USP9X: variants seen among roughly 807,000 people sequenced by gnomAD.
USP9X encodes ubiquitin specific peptidase 9 X-linked.
A neutral mutation model predicts 190.3 loss-of-function variants in USP9X; 7 were observed. The ratio of observed to expected loss-of-function variants is 0.04; its 90% CI spans 0.02 to 0.07. The LOEUF (loss-of-function observed/expected upper bound fraction) is 0.07, where lower values mean the gene tolerates loss of function less well. USP9X is among the 10% of genes least tolerant of loss of function. The pLI is 1.00. For missense variants in USP9X, 1,010 were observed against 1,916.9 expected (o/e 0.53, Z 8.83); for synonymous variants, 645 against 659.5 (o/e 0.98, Z 0.34).
Position 41,129,005 on chromosome X carries a change from A to G in USP9X, c.102A>G (p.Ser34=), listed in dbSNP as rs1365833459. Reference sequence around the variant, plus strand: ...ATGTTTAATTTTTAATTAAGACTTCATCGCCTGATTCTTCCAATGAAAATT... The same window carrying G: ...ATGTTTAATTTTTAATTAAGACTTCGTCGCCTGATTCTTCCAATGAAAATT... ...SQPPLQQNQT[S]SPDSSNENSP... Residue 34 remains serine, a synonymous_variant, in exon 3 of 45, where the codon TCA becomes TCG. Transcript: ENST00000378308. 1 of 1,210,319 alleles carries G rather than the reference A, an allele frequency of 8.3e-7. No homozygotes were observed. The highest frequency in any genetic ancestry group is 3.0e-5 in the East Asian group (1 of 33,801).
At chrX:41,125,684 A>ACACACACACACACACACACTCTCT in intron 2 of USP9X, among the ~76,000 whole-genome samples, 29 of 19,021 alleles carry the variant, frequency 1.5e-3, no homozygotes, top group Non-Finnish European at 2.3e-3. Flanking sequence ...ACACACACAC[A>ACACACACACACACACACACTCTCT]CTCTCTCTCT....
chrX:41,086,617 G>C (rs2061914141), intron 1 of USP9X, among the ~76,000 whole-genome samples: 1 of 112,114 alleles, frequency 8.9e-6, no homozygotes, highest in African/African-American at 3.2e-5. Flanking sequence ...CAGGCCTGAC[G>C]ACTTGTCCGC....
At chrX:41,232,322 C>T (rs2063368053) in intron 44 of USP9X, 65 bp from the exon 45 acceptor site, 1 of 1,120,283 alleles carries the variant, frequency 8.9e-7, no homozygotes, top group African/African-American at 1.8e-5. Context: ...GACTTCAGAC[C>T]ATGATTTTGA....
intron 2 of USP9X, 42 bp downstream of exon 2, chrX:41,123,766 G>A: frequency 1.7e-5 from 19 of 1,138,189 alleles, no homozygotes; most frequent in Non-Finnish European, 2.0e-5. Flanking sequence ...AGTGGGGCTG[G>A]ACTCAGTGGT....
intron 4 of USP9X, 24 bp downstream of exon 4, chrX:41,131,560 C>T: frequency 8.7e-7 from 1 of 1,146,246 alleles, no homozygotes. Flanking sequence ...TTTTATGCTT[C>T]CTATAATGTA....
intron 21 of USP9X, among the ~76,000 whole-genome samples, chrX:41,177,811 G>T (rs1423205495): frequency 9.1e-6 from 1 of 110,494 alleles, no homozygotes; most frequent in Non-Finnish European, 1.9e-5. Flanking sequence ...TCACTCTTAT[G>T]GGTTTATTTT....
intron 41 of USP9X, among the ~76,000 whole-genome samples, chrX:41,227,733 C>G (rs1412923960): frequency 9.1e-6 from 1 of 109,939 alleles, no homozygotes. Context: ...GGGAGTCTCA[C>G]TCTGTCACCC....
At chrX:41,125,684 A>ACACACACC in intron 2 of USP9X, among the ~76,000 whole-genome samples, 1 of 19,027 alleles carries the variant, frequency 5.3e-5, no homozygotes, top group Non-Finnish European at 9.0e-5. Flanking sequence ...ACACACACAC[A>ACACACACC]CTCTCTCTCT....
chrX:41,123,686 C>T lies in USP9X; in HGVS notation c.58C>T (p.Pro20Ser). The change falls in exon 2 of 45, where the codon CCT (proline) becomes TCT (serine). Residue 20 changes from proline (P) to serine (S), a missense_variant. This residue lies in a region of USP9X where 176 missense variants were observed against 247.5 expected (regional missense o/e 0.71). Transcript: ENST00000378308. ...AGGGAATGACAACCAGGGCCAGGCT[C>T]CTGATGGACAGTCTCAGCCCCCCCT... Reference protein sequence around the residue: ...VGGNDNQGQAPDGQSQPPLQQ... With the variant: ...VGGNDNQGQASDGQSQPPLQQ... The T allele has an allele frequency of 8.3e-7, 1 of 1,211,902 alleles. No homozygotes were observed. Among genetic ancestry groups the T allele is most frequent in the Non-Finnish European group, 1.1e-6 (1 of 895,491 alleles).
At chrX:41,168,379 A>G (rs2062695721) in intron 18 of USP9X, 161 bp downstream of exon 18, 1 of 402,716 alleles carries the variant, frequency 2.5e-6, no homozygotes, top group Admixed American at 5.7e-5. Context: ...AACCTCCCCC[A>G]CTCTCCCATC....
At chrX:41,119,090 T>C (rs1266939880) in intron 1 of USP9X, among the ~76,000 whole-genome samples, 2 of 112,220 alleles carry the variant, frequency 1.8e-5, no homozygotes, top group Admixed American at 1.9e-4. Flanking sequence ...AAAAGCTTTG[T>C]ATGTAATTTT....
chrX:41,154,340 A>G (rs2147083946), intron 14 of USP9X, among the ~76,000 whole-genome samples: 1 of 111,972 alleles, frequency 8.9e-6, no homozygotes, highest in South Asian at 3.7e-4. Context: ...TATGTGTAGT[A>G]TACCCAAGCA....
intron 41 of USP9X, 119 bp from the exon 42 acceptor site, chrX:41,229,134 A>G: frequency 4.1e-6 from 2 of 489,431 alleles, no homozygotes; most frequent in Non-Finnish European, 6.4e-6. Flanking sequence ...AATAGTACCT[A>G]TTGTCTAATG....
intron 1 of USP9X, among the ~76,000 whole-genome samples, chrX:41,094,135 G>C (rs1338614545): frequency 9.0e-6 from 1 of 110,759 alleles, no homozygotes; most frequent in Non-Finnish European, 1.9e-5. Context: ...GCCAGACTGA[G>C]TGTTGGAGGA....
intron 21 of USP9X, among the ~76,000 whole-genome samples, chrX:41,182,150 T>A (rs2062832511): frequency 8.9e-6 from 1 of 111,753 alleles, no homozygotes; most frequent in South Asian, 3.7e-4. Flanking sequence ...GTGGGAGGAT[T>A]GCTTGAGCCC....
intron 14 of USP9X, among the ~76,000 whole-genome samples, chrX:41,159,654 C>T (rs2062611100): frequency 9.0e-6 from 1 of 111,265 alleles, no homozygotes; most frequent in Non-Finnish European, 1.9e-5. Context: ...CTCAACCTCC[C>T]GAGTACCTGG....
rs931667508 is a variant in USP9X, at chrX:41,091,138, C to T, written c.-159+5029C>T. Among the ~76,000 whole-genome samples the T allele has an allele frequency of 1.2e-4, 13 of 110,391 alleles. 1 individual carries two copies. Among genetic ancestry groups the T allele is most frequent in the Middle Eastern group, 8.6e-3 (2 of 232 alleles). On this transcript the variant is annotated intron_variant, in intron 1 of 44. Coordinates refer to ENST00000378308, the MANE Select transcript of USP9X (RefSeq NM_001039591.3). Reference sequence around the variant, plus strand: ...TTTTCTGGCATTCTTTTATGTACCTCGTAGGAGAGATTGGATTAAGTTGTT... The same window carrying T: ...TTTTCTGGCATTCTTTTATGTACCTTGTAGGAGAGATTGGATTAAGTTGTT...
chrX:41,143,142 C>T, intron 9 of USP9X, 149 bp from the exon 10 acceptor site: 4 of 391,375 alleles, frequency 1.0e-5, no homozygotes, highest in Admixed American at 5.8e-5. Flanking sequence ...CATAATTTTC[C>T]ATTAAAGCAA....
chrX:41,214,413 A>G (rs1032672054), intron 33 of USP9X, among the ~76,000 whole-genome samples, 155 bp from the exon 34 acceptor site: 2 of 111,771 alleles, frequency 1.8e-5, no homozygotes, highest in Non-Finnish European at 3.8e-5. Flanking sequence ...AACATGGCAC[A>G]TGTATACATA....
Sources: gnomAD v4.1 joint callset for allele counts (sites outside exome capture counted in the v4.1 genomes callset) on GRCh38, gnomAD v4.1.1 for gene constraint, gnomAD v4.1.1 regional missense constraint, MANE v1.5 for transcripts, NCBI Gene and HGNC (gene_info 2026-07-23, HGNC 2026-07-21) for gene names.